VAV2: variants seen among roughly 807,000 people sequenced by gnomAD.
VAV2 encodes the protein vav guanine nucleotide exchange factor 2.
A neutral mutation model predicts 132.5 loss-of-function variants in VAV2; 67 were observed. The observed-to-expected ratio is 0.51, with a 90% CI of 0.42 to 0.62. The LOEUF is 0.62. Among genes scored for constraint, VAV2 ranks in the 20% least tolerant of loss-of-function variants. The pLI is 0.00. For missense variants in VAV2, 938 were observed against 1,153.6 expected (o/e 0.81, Z 2.71); for synonymous variants, 492 against 443.5 (o/e 1.11, Z -1.37).
chr9:133,783,324 T>G (rs2428107), intron 19 of VAV2, among the ~76,000 whole-genome samples, 179 bp downstream of exon 19: 5 of 151,888 alleles, frequency 3.3e-5, no homozygotes, highest in Non-Finnish European at 5.9e-5. Context: ...GTGTCTCCTG[T>G]TAAGTGTGTG....
intron 2 of VAV2, among the ~76,000 whole-genome samples, chr9:133,875,182 A>G (rs1185020746): frequency 6.6e-6 from 1 of 152,124 alleles, no homozygotes; most frequent in Non-Finnish European, 1.5e-5. Context: ...ACGTGTGTGC[A>G]AGCCGGGGCT....
intron 14 of VAV2, 32 bp downstream of exon 14, chr9:133,789,226 G>T (rs370370983): frequency 1.9e-6 from 3 of 1,609,976 alleles, no homozygotes; most frequent in Non-Finnish European, 2.5e-6. Context: ...CTGGCGGGAC[G>T]CCACCCAGCC....
chr9:133,894,000 G>A (rs1425097339), intron 2 of VAV2, among the ~76,000 whole-genome samples: 5 of 152,280 alleles, frequency 3.3e-5, no homozygotes, highest in East Asian at 1.9e-4. Context: ...AGACAGTAAC[G>A]GGCCCAAGGC....
At chr9:133,983,823 C>T (rs953932318) in intron 1 of VAV2, among the ~76,000 whole-genome samples, 3 of 151,236 alleles carry the variant, frequency 2.0e-5, no homozygotes, top group African/African-American at 7.3e-5. Flanking sequence ...CTCCCCGGCT[C>T]CTGCCCAGCA....
intron 2 of VAV2, among the ~76,000 whole-genome samples, chr9:133,889,808 C>G (rs1025451803): frequency 1.3e-5 from 2 of 152,170 alleles, no homozygotes; most frequent in African/African-American, 4.8e-5. Flanking sequence ...AATCAGGCTT[C>G]CCCGATGTGA....
At chr9:133,850,725 G>A (rs536224377) in intron 3 of VAV2, among the ~76,000 whole-genome samples, 1 of 152,304 alleles carries the variant, frequency 6.6e-6, no homozygotes, top group South Asian at 2.1e-4. Context: ...CACCTGCCAG[G>A]TCCCAGGACT....
At chr9:133,786,957 C>A (rs1834252370) in intron 16 of VAV2, among the ~76,000 whole-genome samples, 4 of 152,088 alleles carry the variant, frequency 2.6e-5, no homozygotes, top group Non-Finnish European at 5.9e-5. Flanking sequence ...CACAGAAAAA[C>A]AAAAAGGATG....
chr9:133,859,949 T>C (rs998248237), intron 3 of VAV2, among the ~76,000 whole-genome samples: 4 of 152,210 alleles, frequency 2.6e-5, no homozygotes, highest in African/African-American at 9.6e-5. Flanking sequence ...TGACTGCTAT[T>C]CTTTATGCCC....
intron 2 of VAV2, among the ~76,000 whole-genome samples, chr9:133,877,357 C>T (rs570021885): frequency 9.0e-4 from 137 of 152,320 alleles, no homozygotes; most frequent in African/African-American, 3.1e-3. Flanking sequence ...GGCGGACAAG[C>T]CCAAAATCAG....
chr9:133,780,742 G>C, intron 19 of VAV2, 32 bp from the exon 20 acceptor site: 4 of 1,264,686 alleles, frequency 3.2e-6, no homozygotes, highest in Non-Finnish European at 4.0e-6. Flanking sequence ...TGTTAGAGGG[G>C]AGGCCACCGA....
At chr9:133,765,960 A>G (rs186673286) in intron 29 of VAV2, among the ~76,000 whole-genome samples, 143 of 152,352 alleles carry the variant, frequency 9.4e-4, no homozygotes, top group Admixed American at 1.3e-3. Flanking sequence ...TTATGTTACA[A>G]ACATTTTACA....
At chr9:133,781,238 C>T (rs571975845) in intron 19 of VAV2, among the ~76,000 whole-genome samples, 20 of 152,346 alleles carry the variant, frequency 1.3e-4, no homozygotes, top group African/African-American at 3.1e-4. Flanking sequence ...GGTGCCAACA[C>T]GCTCAAGGAC....
At chr9:133,842,280 C>A (rs972443689) in intron 3 of VAV2, among the ~76,000 whole-genome samples, 1 of 152,208 alleles carries the variant, frequency 6.6e-6, no homozygotes, top group South Asian at 2.1e-4. Flanking sequence ...GAGAAGGCCC[C>A]GCACGGTGAC....
chr9:133,784,920 CGGCTATTCACCAT>C (rs1834156790), intron 17 of VAV2, among the ~76,000 whole-genome samples: 1 of 152,202 alleles, frequency 6.6e-6, no homozygotes, highest in Admixed American at 6.5e-5. Flanking sequence ...GGTGAGAAGA[CGGCTATTCACCAT>C]CACGTCGCTT....
chr9:133,979,217 G>A (rs939986064), intron 1 of VAV2, among the ~76,000 whole-genome samples: 1 of 152,232 alleles, frequency 6.6e-6, no homozygotes, highest in African/African-American at 2.4e-5. Context: ...GCACCGGGCT[G>A]ACAGCCGGGT....
At position 133,991,088 on chromosome 9, in the gene VAV2, C is replaced by T. The variant is rs757363969; in HGVS notation, c.204+987G>A. Among the ~76,000 whole-genome samples, 1 of 152,212 alleles carries T rather than the reference C, an allele frequency of 6.6e-6. No individual in the cohort carries two copies. The highest frequency in any genetic ancestry group is 1.5e-5 in the Non-Finnish European group (1 of 68,028). On this transcript the variant is annotated intron_variant, in intron 1 of 29. Transcript: ENST00000371850. The surrounding 1 kb of genome is among the most constrained non-coding windows in gnomAD (Gnocchi z 4.8). ...TAAGTCCCACTGGTGAATGGTCCCT[C>T]TCCACATGGAGTTGCCACTGCGCGC...
chr9:133,972,622 CACAG>C (rs920428227), intron 1 of VAV2, among the ~76,000 whole-genome samples: 2 of 152,252 alleles, frequency 1.3e-5, no homozygotes, highest in African/African-American at 2.4e-5. Context: ...GAGCATGGAG[CACAG>C]ACAGTCAGAG....
At chr9:133,914,987 C>A (rs1414462712) in intron 2 of VAV2, among the ~76,000 whole-genome samples, 1 of 151,840 alleles carries the variant, frequency 6.6e-6, no homozygotes, top group South Asian at 2.1e-4. Context: ...CAGGACAGCT[C>A]GCACGGGGGG....
At chr9:133,782,361 C>G (rs2131595511) in intron 19 of VAV2, among the ~76,000 whole-genome samples, 1 of 152,204 alleles carries the variant, frequency 6.6e-6, no homozygotes, top group East Asian at 1.9e-4. Flanking sequence ...ATGGGCACAG[C>G]TGAAAAGCTG....
Sources: gnomAD v4.1 joint callset for allele counts (sites outside exome capture counted in the v4.1 genomes callset) on GRCh38, gnomAD v4.1.1 for gene constraint, Gnocchi (gnomAD v3.1) non-coding constraint, MANE v1.5 for transcripts, NCBI Gene and HGNC (gene_info 2026-07-23, HGNC 2026-07-21) for gene names.